TEKTIP1: variants seen among roughly 807,000 people sequenced by gnomAD.
The protein encoded by TEKTIP1 is tektin bundle-interacting protein 1.
At chr19:3,543,504 G>T in the TEKTIP1 span, 3 of 1,378,434 alleles carry the variant, frequency 2.2e-6, no homozygotes, top group African/African-American at 4.7e-5. Context: ...CCTGGGCAGC[G>T]GGCCTGCCAG....
chr19:3,541,382 G>A, the TEKTIP1 span, among the ~76,000 whole-genome samples: 2 of 149,392 alleles, frequency 1.3e-5, no homozygotes, highest in Non-Finnish European at 3.0e-5. Flanking sequence ...GAGTGCAGTG[G>A]AATGATCTCA....
chr19:3,540,864 T>TC, the TEKTIP1 span, among the ~76,000 whole-genome samples: 2 of 85,502 alleles, frequency 2.3e-5, no homozygotes, highest in African/African-American at 4.7e-5. Context: ...AGAGCGAAAC[T>TC]CCATCTCAAA....
At chr19:3,543,196 T>C in the TEKTIP1 span, 3 of 1,531,722 alleles carry the variant, frequency 2.0e-6, no homozygotes, top group Non-Finnish European at 2.6e-6. Flanking sequence ...GCACTCGCTG[T>C]AGACATGGGC....
chr19:3,543,358 C>T, the TEKTIP1 span: 11 of 1,549,352 alleles, frequency 7.1e-6, no homozygotes, highest in Middle Eastern at 5.4e-4. Flanking sequence ...GCCTGACCAA[C>T]TCGGACGCCT....
the TEKTIP1 span, chr19:3,539,485 C>T: frequency 7.4e-6 from 4 of 538,772 alleles, no homozygotes; most frequent in Middle Eastern, 4.5e-4. Flanking sequence ...AATGTGTCTG[C>T]GGCCGTCTCC....
chr19:3,543,961 C>T, the TEKTIP1 span: 40 of 1,550,380 alleles, frequency 2.6e-5, no homozygotes, highest in Non-Finnish European at 3.0e-5. Context: ...CCATACTGCC[C>T]CTCCACCTGC....
the TEKTIP1 span, chr19:3,543,655 C>T: frequency 1.1e-5 from 17 of 1,542,174 alleles, no homozygotes; most frequent in South Asian, 1.9e-4. Flanking sequence ...TGTGGAAAGA[C>T]AGGCCAATCC....
chr19:3,543,769 C>T, the TEKTIP1 span: 2 of 1,489,472 alleles, frequency 1.3e-6, no homozygotes, highest in Non-Finnish European at 1.8e-6. Context: ...GATCCAGGAG[C>T]CCCTTGCTGG....
the TEKTIP1 span, chr19:3,539,457 G>A: frequency 5.3e-6 from 3 of 569,228 alleles, no homozygotes; most frequent in East Asian, 2.8e-5. Context: ...CTACAGACCT[G>A]GAGACAGGCC....
At chr19:3,543,710 GAGGCCAGGGGGACAAGGCCACCT>G in the TEKTIP1 span, 10 of 1,503,298 alleles carry the variant, frequency 6.7e-6, no homozygotes, top group South Asian at 3.9e-5. Flanking sequence ...GGGTCCTTGG[GAGGCCAGGGGGACAAGGCCACCT>G]AGGCCAGGGT....
At chr19:3,539,227 C>A in the TEKTIP1 span, 3 of 1,550,546 alleles carry the variant, frequency 1.9e-6, no homozygotes, top group Non-Finnish European at 2.6e-6. Context: ...CCCTCGGGGA[C>A]CCTCGAGGCC....
chr19:3,543,139 C>T, the TEKTIP1 span: 2 of 1,511,720 alleles, frequency 1.3e-6, no homozygotes, highest in Non-Finnish European at 1.8e-6. Context: ...CGCCGTGGGC[C>T]AGGCCTCTAC....
At chr19:3,539,403 G>C in the TEKTIP1 span, 6 of 608,256 alleles carry the variant, frequency 9.9e-6, no homozygotes, top group Non-Finnish European at 1.8e-5. Context: ...GTCCCCTCCA[G>C]CTCTTCCTGT....
the TEKTIP1 span, chr19:3,543,280 C>T: frequency 6.5e-7 from 1 of 1,547,934 alleles, no homozygotes; most frequent in South Asian, 1.2e-5. Flanking sequence ...CACCAGCCAT[C>T]AGGCAGGCCA....
At chr19:3,543,360 CGGACGCCT>C in the TEKTIP1 span, 21 of 1,549,314 alleles carry the variant, frequency 1.4e-5, no homozygotes, top group African/African-American at 2.9e-4. Context: ...CTGACCAACT[CGGACGCCT>C]GGGAAGCCTG....
chr19:3,543,485 C>CG, the TEKTIP1 span: 9 of 1,516,578 alleles, frequency 5.9e-6, 1 homozygote, highest in East Asian at 2.0e-4. Flanking sequence ...TGAGTGCCCC[C>CG]CCCCCCGCCC....
At chr19:3,543,317 C>T in the TEKTIP1 span, 104 of 1,549,316 alleles carry the variant, frequency 6.7e-5, no homozygotes, top group Admixed American at 4.1e-4. Flanking sequence ...GCCCATGGGA[C>T]GGGACGCAGC....
At chr19:3,541,834 AGTCTCGCTCTCTC>A in the TEKTIP1 span, 9 of 971,558 alleles carry the variant, frequency 9.3e-6, no homozygotes, top group Non-Finnish European at 1.1e-5. Context: ...GTTGAGACAG[AGTCTCGCTCTCTC>A]ACCCAGGCTG....
chr19:3,544,030 A>G, the TEKTIP1 span: 17 of 1,517,690 alleles, frequency 1.1e-5, no homozygotes, highest in Non-Finnish European at 1.3e-5. Context: ...ACCAGGATGC[A>G]CCCACTGTCT....
Sources: gnomAD v4.1 joint callset for allele counts (sites outside exome capture counted in the v4.1 genomes callset) on GRCh38, gnomAD v4.1.1 for gene constraint, MANE v1.5 for transcripts, NCBI Gene and HGNC (gene_info 2026-07-23, HGNC 2026-07-21) for gene names.